Variants in FBN1 observed in about 807,000 individuals in gnomAD.
FBN1 encodes the protein fibrillin 1, also known as fibrillin-1.
A neutral mutation model predicts 365.1 loss-of-function variants in FBN1; 29 were observed. That is an observed-to-expected ratio of 0.08 (90% CI 0.06 to 0.11). FBN1 has a LOEUF of 0.11. FBN1 is among the 10% of genes least tolerant of loss of function. FBN1 has a pLI of 1.00. For missense variants in FBN1, 2,476 were observed against 3,703.2 expected (o/e 0.67, Z 8.60); for synonymous variants, 1,210 against 1,270.5 (o/e 0.95, Z 1.01).
chr15:48,639,082 C>G (rs1296179998), intron 2 of FBN1, among the ~76,000 whole-genome samples: 2 of 152,152 alleles, frequency 1.3e-5, no homozygotes, highest in Admixed American at 1.3e-4. Flanking sequence ...TGTGAACTAG[C>G]ATGAAAGAAT....
intron 60 of FBN1, 76 bp from the exon 61 acceptor site, chr15:48,422,144 C>T: frequency 1.0e-6 from 1 of 997,820 alleles, no homozygotes; most frequent in South Asian, 1.3e-5. Context: ...TATGAAGCAG[C>T]TCCACGTTTG....
Position 48,613,081 on chromosome 15 carries a change from C to G in FBN1, c.176G>C (p.Cys59Ser). 1 of 1,612,756 alleles carries G rather than the reference C, an allele frequency of 6.2e-7. No homozygotes were observed. Among genetic ancestry groups the G allele is most frequent in the African/African-American group, 1.3e-5 (1 of 74,972 alleles). Reference protein sequence around the residue: ...GHDALKGPNVCGSRYNAYCCP... With the variant: ...GHDALKGPNVSGSRYNAYCCP... ...ACAGTAAGCATTATAACGTGATCCA[C>G]AGACATTGGGTCTAAAACAAAAACA... The change falls in exon 3 of 66, where the codon TGT becomes TCT. Residue 59 changes from cysteine to serine, a missense_variant. Physicochemically the swap from Cys to Ser is moderately radical, Grantham distance 112 (BLOSUM62 -1). Coordinates refer to ENST00000316623, the MANE Select transcript of FBN1 (RefSeq NM_000138.5).
At chr15:48,537,198 G>A (rs1285494209) in intron 7 of FBN1, among the ~76,000 whole-genome samples, 1 of 152,094 alleles carries the variant, frequency 6.6e-6, no homozygotes, top group Non-Finnish European at 1.5e-5. Context: ...ATTTTCTTCA[G>A]GTCAATTAAG....
chr15:48,569,261 A>G (rs1244968017), intron 6 of FBN1, among the ~76,000 whole-genome samples: 3 of 152,112 alleles, frequency 2.0e-5, no homozygotes, highest in South Asian at 2.1e-4. Context: ...AAAAATGAAA[A>G]CCACAGGACA....
At chr15:48,532,704 G>A (rs907899142) in intron 8 of FBN1, among the ~76,000 whole-genome samples, 5 of 152,128 alleles carry the variant, frequency 3.3e-5, no homozygotes, top group African/African-American at 1.2e-4. Flanking sequence ...ATAATGTAGA[G>A]TGTGGAAATA....
intron 8 of FBN1, among the ~76,000 whole-genome samples, chr15:48,531,056 C>G (rs533755452): frequency 3.3e-5 from 5 of 152,132 alleles, no homozygotes; most frequent in Non-Finnish European, 7.4e-5. Context: ...TTTCAGCATG[C>G]GTACTCTACA....
intron 6 of FBN1, among the ~76,000 whole-genome samples, chr15:48,570,958 T>C (rs1186941857): frequency 1.3e-5 from 2 of 152,142 alleles, no homozygotes; most frequent in Non-Finnish European, 2.9e-5. Flanking sequence ...GAAAATGGTC[T>C]GTTGACTAAT....
Position 48,489,912 on chromosome 15 carries a change from C to T in FBN1, c.3021G>A (p.Leu1007=), listed in dbSNP as rs764203356. The change falls in exon 25 of 66, where the codon CTG becomes CTA. Residue 1007 remains leucine, a synonymous_variant. Transcript: ENST00000316623. ...PMRNTPEYEE[L]CPRGPGFATK... ...TGGCAAATCCGGGTCCTCTCGGACA[C>T]AGCTCCTCGTACTCAGGAGTATTTC... 3.1e-6 allele frequency: 5 copies of T among 1,614,086 alleles called. No individual in the cohort carries two copies. The highest frequency in any genetic ancestry group is 8.5e-7 in the Non-Finnish European group (1 of 1,180,046).
chr15:48,411,094 T>C lies in FBN1; in HGVS notation c.8512A>G (p.Lys2838Glu). 1 of 1,614,118 alleles carries C rather than the reference T, an allele frequency of 6.2e-7. No homozygotes were observed. Among genetic ancestry groups the C allele is most frequent in the South Asian group, 1.1e-5 (1 of 91,066 alleles). Residue 2838 changes from lysine to glutamate, a missense_variant, in exon 66 of 66, where the codon AAA becomes GAA. Physicochemically the swap from Lys to Glu is moderately conservative, Grantham distance 56 (BLOSUM62 1). This residue lies in a region of FBN1 where 177 missense variants were observed against 192.7 expected (regional missense o/e 0.92). Transcript: ENST00000316623. The part of the protein sequence containing the change: ...SLQISSTPLY[K>E]KKELNQLEDK... ...TCTAGTTGGTTAAGTTCTTTCTTTT[T>C]ATAAAGTGGAGTACTACTGATTTGT...
At chr15:48,583,913 C>T (rs1331936194) in intron 6 of FBN1, among the ~76,000 whole-genome samples, 2 of 152,116 alleles carry the variant, frequency 1.3e-5, no homozygotes, top group Non-Finnish European at 2.9e-5. Flanking sequence ...TTTCTATATC[C>T]AGCTCAAGAA....
intron 6 of FBN1, among the ~76,000 whole-genome samples, chr15:48,552,426 C>T (rs2044150532): frequency 1.3e-5 from 2 of 151,956 alleles, no homozygotes; most frequent in African/African-American, 2.4e-5. Flanking sequence ...GCACATGTCA[C>T]CATGCCTGCC....
chr15:48,622,728 C>T (rs1471604751), intron 2 of FBN1, among the ~76,000 whole-genome samples: 3 of 152,112 alleles, frequency 2.0e-5, no homozygotes, highest in Admixed American at 6.5e-5. Flanking sequence ...ATCTACCTGT[C>T]AACTCTTATC....
chr15:48,442,735 T>G (rs1366508017), intron 49 of FBN1, among the ~76,000 whole-genome samples: 2 of 152,208 alleles, frequency 1.3e-5, no homozygotes, highest in Non-Finnish European at 2.9e-5. Flanking sequence ...CAATAAAACA[T>G]ACGATTACCT....
intron 2 of FBN1, among the ~76,000 whole-genome samples, chr15:48,635,331 AG>A (rs1197393284): frequency 6.6e-6 from 1 of 152,220 alleles, no homozygotes; most frequent in Non-Finnish European, 1.5e-5. Flanking sequence ...AAAAAGTGGT[AG>A]TCACAAGAAA....
chr15:48,565,255 G>A (rs1227688690), intron 6 of FBN1, among the ~76,000 whole-genome samples: 3 of 152,224 alleles, frequency 2.0e-5, no homozygotes, highest in Non-Finnish European at 4.4e-5. Context: ...TTTCTCCAGA[G>A]AGAAATAAAG....
rs1347662857 is a variant in FBN1, at chr15:48,608,252, C to T, written c.346+2476G>A. ...AAAACTAAGCCTCTCTGAGGTCCCA[C>T]GACTTGCCTAGACCTCCTTGATCCC... On this transcript the variant is annotated intron_variant, in intron 4 of 65. Transcript: ENST00000316623. Among the ~76,000 whole-genome samples, 4 of 152,170 alleles carry T rather than the reference C, an allele frequency of 2.6e-5. No individual in the cohort carries two copies. The East Asian group carries it at 7.7e-4, about 29-fold the overall frequency.
At chr15:48,629,852 T>C (rs58065790) in intron 2 of FBN1, among the ~76,000 whole-genome samples, 20,438 of 152,228 alleles carry the variant, frequency 0.13, 3,616 homozygotes, top group African/African-American at 0.4. Context: ...CATGCCATCA[T>C]GCCACACTTT....
In FBN1 at chr15:48,415,546, T is replaced by C; in HGVS notation, c.8041A>G (p.Ile2681Val). ...LCGCPPGYFR[I>V]GQGHCVSGMG... Reference sequence around the variant, plus strand: ...AAGAGCACTGCTTACCCTTGGCCTATGCGGAAGTAACCAGGTGGACAGCCA... The same window carrying C: ...AAGAGCACTGCTTACCCTTGGCCTACGCGGAAGTAACCAGGTGGACAGCCA... The change falls in exon 64 of 66, where the codon ATA (isoleucine) becomes GTA (valine). Residue 2681 changes from isoleucine (I) to valine (V), a missense_variant. By Grantham distance (29) the Ile-to-Val change is conservative (BLOSUM62 3). Around this residue, in one of 5 missense-constraint regions of FBN1, gnomAD observed 1,780 missense variants for 2,840.8 expected, o/e 0.63. Transcript: ENST00000316623. 1 of 1,613,266 alleles carries C rather than the reference T, an allele frequency of 6.2e-7. No individual in the cohort carries two copies. Among genetic ancestry groups the C allele is most frequent in the Non-Finnish European group, 8.5e-7 (1 of 1,179,164 alleles).
intron 44 of FBN1, among the ~76,000 whole-genome samples, chr15:48,455,274 A>G (rs942882899): frequency 3.3e-5 from 5 of 152,244 alleles, no homozygotes; most frequent in African/African-American, 7.2e-5. Context: ...TTGCATTGGT[A>G]CAGTTGCATG....
Sources: gnomAD v4.1 joint callset for allele counts (sites outside exome capture counted in the v4.1 genomes callset) on GRCh38, gnomAD v4.1.1 for gene constraint, gnomAD v4.1.1 regional missense constraint, MANE v1.5 for transcripts, NCBI Gene and HGNC (gene_info 2026-07-23, HGNC 2026-07-21) for gene names.